The following FRMPD3 variants were observed in gnomAD, a reference collection of about 807,000 sequenced individuals.
FRMPD3 encodes FERM and PDZ domain-containing protein 3.
A neutral mutation model predicts 97.9 loss-of-function variants in FRMPD3; 42 were observed. The observed-to-expected ratio is 0.43, with a 90% CI of 0.34 to 0.55. The LOEUF is 0.55. Ranked by LOEUF, FRMPD3 falls within the 20% of genes least tolerant of loss-of-function variation. The pLI is 0.03. For missense variants in FRMPD3, 1,303 were observed against 1,457.7 expected (o/e 0.89, Z 1.73); for synonymous variants, 577 against 581.1 (o/e 0.99, Z 0.10).
chrX:107,484,217 A>G (rs1921447467), intron 1 of FRMPD3, among the ~76,000 whole-genome samples: 1 of 112,341 alleles, frequency 8.9e-6, no homozygotes, highest in South Asian at 3.7e-4. Context: ...CTTGCGGATT[A>G]TGGTGCCAGA....
chrX:107,571,446 C>G (rs1922882418), intron 12 of FRMPD3, among the ~76,000 whole-genome samples: 2 of 112,118 alleles, frequency 1.8e-5, no homozygotes, highest in African/African-American at 6.5e-5. Context: ...CTGCATTTGG[C>G]CCATGCTGGG....
chrX:107,518,488 A>G (rs1304375901), intron 1 of FRMPD3, among the ~76,000 whole-genome samples: 1 of 111,812 alleles, frequency 8.9e-6, no homozygotes, highest in Non-Finnish European at 1.9e-5. Context: ...CACCCTGTGA[A>G]TGTTGAATTC....
chrX:107,545,509 T>G, intron 4 of FRMPD3: 1 of 348,508 alleles, frequency 2.9e-6, no homozygotes, highest in Non-Finnish European at 5.0e-6. Context: ...ATAATGGGGT[T>G]CAATCTACCC....
intron 13 of FRMPD3, among the ~76,000 whole-genome samples, chrX:107,594,633 G>A (rs1246648419): frequency 1.8e-5 from 2 of 112,483 alleles, no homozygotes; most frequent in Non-Finnish European, 3.7e-5. Context: ...TATAATCCCA[G>A]CACTCTGGGA....
At chrX:107,594,802 A>G (rs1266759651) in intron 13 of FRMPD3, among the ~76,000 whole-genome samples, 4 of 108,737 alleles carry the variant, frequency 3.7e-5, no homozygotes, top group Non-Finnish European at 7.7e-5. Context: ...AATCGCTTGA[A>G]CCCGGGAGGT....
chrX:107,541,236 C>T (rs773960695), intron 4 of FRMPD3, among the ~76,000 whole-genome samples: 2 of 112,777 alleles, frequency 1.8e-5, no homozygotes, highest in African/African-American at 3.2e-5. Context: ...CCTAATATTA[C>T]GAACTTCAAG....
chrX:107,545,916 C>A, intron 5 of FRMPD3, 75 bp downstream of exon 5: 1 of 812,149 alleles, frequency 1.2e-6, no homozygotes, highest in Non-Finnish European at 1.8e-6. Context: ...CGCTCTGGGG[C>A]TTCTTATAGT....
At chrX:107,531,830 A>G (rs1922981774) in intron 3 of FRMPD3, among the ~76,000 whole-genome samples, 3 of 111,545 alleles carry the variant, frequency 2.7e-5, no homozygotes, top group Admixed American at 1.9e-4. Flanking sequence ...TGTTTTTAGT[A>G]GATTTCTTTG....
Position 107,603,378 on chromosome X carries a change from T to C in FRMPD3, c.*5T>C, listed in dbSNP as rs983839480. ...TTAAAAACCCTTATTAAGTAGGGCA[T>C]CTGCCCACACCTGTCCCCCTTCCCC... On this transcript the variant is annotated 3_prime_UTR_variant, in exon 15 of 15. Coordinates refer to ENST00000683843, the MANE Select transcript of FRMPD3 (RefSeq NM_001388459.1). The C allele has an allele frequency of 8.8e-7, 1 of 1,139,936 alleles. No individual in the cohort carries two copies. The highest frequency in any genetic ancestry group is 2.7e-5 in the Admixed American group (1 of 36,880). The allele number at this position is 1,139,936 out of a possible 1,213,427, so 93.9% of individuals were successfully genotyped here. A position where few individuals can be genotyped will look rare whatever the true frequency, so the allele number is the denominator to read the frequency against.
At chrX:107,537,498 T>A (rs1328872989) in intron 4 of FRMPD3, among the ~76,000 whole-genome samples, 1 of 111,526 alleles carries the variant, frequency 9.0e-6, no homozygotes, top group African/African-American at 3.3e-5. Context: ...GTCAAAACAT[T>A]TAATGACCTG....
intron 1 of FRMPD3, among the ~76,000 whole-genome samples, chrX:107,489,771 C>T (rs1355811412): frequency 8.9e-6 from 1 of 111,797 alleles, no homozygotes; most frequent in African/African-American, 3.3e-5. Flanking sequence ...CATAAATTTT[C>T]TCCCATTTTG....
intron 13 of FRMPD3, 75 bp downstream of exon 13, chrX:107,576,534 C>A: frequency 9.1e-7 from 1 of 1,103,090 alleles, no homozygotes; most frequent in Non-Finnish European, 1.2e-6. Context: ...GGAAGAGCTT[C>A]TCTGCCTTAG....
chrX:107,566,971 G>A (rs1922629685), intron 12 of FRMPD3, among the ~76,000 whole-genome samples: 2 of 111,527 alleles, frequency 1.8e-5, no homozygotes, highest in South Asian at 7.6e-4. Flanking sequence ...GATTCACAAA[G>A]ACACATGACC....
intron 1 of FRMPD3, among the ~76,000 whole-genome samples, chrX:107,525,968 C>T (rs1044575237): frequency 1.4e-4 from 15 of 110,362 alleles, no homozygotes; most frequent in African/African-American, 3.3e-4. Flanking sequence ...CCCAGCTACT[C>T]GGGAGGCTGA....
chrX:107,568,026 C>T (rs2147605990), intron 12 of FRMPD3, among the ~76,000 whole-genome samples: 1 of 110,828 alleles, frequency 9.0e-6, no homozygotes, highest in Non-Finnish European at 1.9e-5. Context: ...CTTATTATAC[C>T]TAGCCCTTCT....
intron 8 of FRMPD3, among the ~76,000 whole-genome samples, chrX:107,555,702 T>C (rs1246946022): frequency 8.9e-6 from 1 of 112,153 alleles, no homozygotes; most frequent in Non-Finnish European, 1.9e-5. Context: ...CACTGGTATT[T>C]TTTTAAATTC....
At chrX:107,554,827 C>T (rs1602810328) in intron 8 of FRMPD3, 1 of 235,348 alleles carries the variant, frequency 4.2e-6, no homozygotes, top group East Asian at 7.9e-5. Flanking sequence ...GGTCCCAACC[C>T]CCAATACCTA....
intron 1 of FRMPD3, among the ~76,000 whole-genome samples, chrX:107,498,904 G>A (rs1173163629): frequency 9.0e-6 from 1 of 111,041 alleles, no homozygotes; most frequent in Non-Finnish European, 1.9e-5. Flanking sequence ...AGAACTTGGG[G>A]TGCCAGACAG....
At chrX:107,596,867 G>C (rs972433824) in intron 13 of FRMPD3, among the ~76,000 whole-genome samples, 1 of 112,134 alleles carries the variant, frequency 8.9e-6, no homozygotes, top group East Asian at 2.8e-4. Context: ...CCTTCTGCTA[G>C]AAGAGATTCA....
Sources: gnomAD v4.1 joint callset for allele counts (sites outside exome capture counted in the v4.1 genomes callset) on GRCh38, gnomAD v4.1.1 for gene constraint, MANE v1.5 for transcripts, NCBI Gene and HGNC (gene_info 2026-07-23, HGNC 2026-07-21) for gene names.